SCG5: variants seen among roughly 807,000 people sequenced by gnomAD.
SCG5 encodes secretogranin V, also known as neuroendocrine protein 7B2.
In SCG5, 18 loss-of-function variants were observed where a neutral mutation model predicts 25.7. The ratio of observed to expected loss-of-function variants is 0.70; its 90% CI spans 0.48 to 1.04. The LOEUF (loss-of-function observed/expected upper bound fraction) is 1.04, where lower values mean the gene tolerates loss of function less well. Among genes scored for constraint, SCG5 ranks in the 50% least tolerant of loss-of-function variants. The probability of loss-of-function intolerance (pLI) is 0.00; values close to 1 mark genes in which losing one functional copy is unlikely to be tolerated. For missense variants in SCG5, 206 were observed against 259.8 expected, an observed-to-expected ratio of 0.79 and a Z score of 1.42; for synonymous variants, 101 against 91.7, an observed-to-expected ratio of 1.10 and a Z score of -0.58.
At chr15:32,650,594 C>T (rs867812332) in intron 2 of SCG5, among the ~76,000 whole-genome samples, 6 of 152,182 alleles carry the variant, frequency 3.9e-5, no homozygotes, top group African/African-American at 1.2e-4. Context: ...GGGACTGATT[C>T]GGAGAACCAT....
chr15:32,664,696 C>T (rs2054290588), intron 2 of SCG5, among the ~76,000 whole-genome samples: 2 of 152,188 alleles, frequency 1.3e-5, no homozygotes, highest in African/African-American at 4.8e-5. Context: ...TAAAGAGATC[C>T]CTACTCATGT....
At chr15:32,692,102 G>C in intron 5 of SCG5, 1 of 1,148,872 alleles carries the variant, frequency 8.7e-7, no homozygotes, top group African/African-American at 1.6e-5. Context: ...GGGTCTGTAG[G>C]CCAGTGGGGA....
At chr15:32,695,054 C>T (rs1464457248) in intron 5 of SCG5, among the ~76,000 whole-genome samples, 5 of 150,252 alleles carry the variant, frequency 3.3e-5, no homozygotes, top group Admixed American at 2.0e-4. Context: ...CTCGCTCTGT[C>T]GCCCAGGCTG....
intron 2 of SCG5, among the ~76,000 whole-genome samples, chr15:32,674,266 C>A (rs2054493720): frequency 6.6e-6 from 1 of 152,194 alleles, no homozygotes; most frequent in African/African-American, 2.4e-5. Context: ...ACAGCACGTT[C>A]TCTCTAAAGA....
chr15:32,695,384 T>A (rs2054939640), intron 5 of SCG5, among the ~76,000 whole-genome samples: 1 of 152,020 alleles, frequency 6.6e-6, no homozygotes, highest in African/African-American at 2.4e-5. Flanking sequence ...CTTCCAAAAC[T>A]TTTGAATTTT....
chr15:32,683,973 A>G (rs1294228538), intron 3 of SCG5, among the ~76,000 whole-genome samples: 1 of 152,206 alleles, frequency 6.6e-6, no homozygotes, highest in Non-Finnish European at 1.5e-5. Flanking sequence ...AAAACATTGT[A>G]TGGCTCAACG....
At chr15:32,681,620 T>C (rs1000543971) in intron 3 of SCG5, among the ~76,000 whole-genome samples, 1 of 152,024 alleles carries the variant, frequency 6.6e-6, no homozygotes, top group African/African-American at 2.4e-5. Context: ...CAGCTAATTT[T>C]TAAATTTTTT....
intron 2 of SCG5, among the ~76,000 whole-genome samples, chr15:32,676,910 CTTATTG>C (rs1334286375): frequency 4.6e-5 from 7 of 152,048 alleles, no homozygotes; most frequent in African/African-American, 1.7e-4. Flanking sequence ...ATGACAGTCA[CTTATTG>C]TTAGTAGTAG....
intron 2 of SCG5, among the ~76,000 whole-genome samples, chr15:32,678,828 C>T (rs116390162): frequency 0.013 from 1,914 of 152,210 alleles, 41 homozygotes; most frequent in African/African-American, 0.043. Flanking sequence ...ACTACATAGC[C>T]ATTTATAATT....
At chr15:32,648,763 G>T (rs1270912873) in intron 2 of SCG5, among the ~76,000 whole-genome samples, 1 of 130,662 alleles carries the variant, frequency 7.7e-6, no homozygotes, top group Non-Finnish European at 1.6e-5. Flanking sequence ...ATTCTCTGTT[G>T]CAGTCTCCTT....
chr15:32,642,737 G>T (rs1257717563), intron 1 of SCG5, among the ~76,000 whole-genome samples: 2 of 151,894 alleles, frequency 1.3e-5, no homozygotes, highest in Non-Finnish European at 2.9e-5. Context: ...CCCACCCCCA[G>T]GCTAGTTAAC....
intron 3 of SCG5, among the ~76,000 whole-genome samples, chr15:32,682,962 T>C (rs2054646282): frequency 1.3e-5 from 2 of 152,306 alleles, no homozygotes; most frequent in South Asian, 4.1e-4. Flanking sequence ...TATCTGCATC[T>C]CAGTCAGGGC....
intron 2 of SCG5, among the ~76,000 whole-genome samples, chr15:32,675,393 C>T (rs1043188079): frequency 6.6e-6 from 1 of 152,162 alleles, no homozygotes; most frequent in Non-Finnish European, 1.5e-5. Context: ...CTTGTCACTT[C>T]ACTCCTGAGT....
At chr15:32,692,372 A>T in intron 5 of SCG5, 2 of 668,272 alleles carry the variant, frequency 3.0e-6, no homozygotes, top group Non-Finnish European at 3.7e-6. Flanking sequence ...TGCCCAAGGT[A>T]GGAACTTGGT....
chr15:32,664,473 A>G (rs765701115), intron 2 of SCG5, among the ~76,000 whole-genome samples: 4 of 152,218 alleles, frequency 2.6e-5, no homozygotes, highest in Admixed American at 6.5e-5. Flanking sequence ...GACAGGTGAA[A>G]AATCCAAGAT....
chr15:32,692,069 A>G, intron 5 of SCG5: 2 of 1,217,064 alleles, frequency 1.6e-6, no homozygotes, highest in East Asian at 3.8e-5. Flanking sequence ...CTGGGGGGAC[A>G]TGAGGGTCTG....
At chr15:32,687,749 C>A (rs910570864) in intron 4 of SCG5, among the ~76,000 whole-genome samples, 1 of 152,234 alleles carries the variant, frequency 6.6e-6, no homozygotes, top group African/African-American at 2.4e-5. Context: ...TCACATATTA[C>A]ACATTTCAGT....
At chr15:32,677,794 G>T (rs2054554932) in intron 2 of SCG5, 1 of 152,184 alleles carries the variant, frequency 6.6e-6, no homozygotes, top group Non-Finnish European at 1.5e-5. Flanking sequence ...CCTGGAAAAG[G>T]AAGCTTCATG....
chr15:32,677,116 G>A (rs2054544430), intron 2 of SCG5, among the ~76,000 whole-genome samples: 1 of 152,048 alleles, frequency 6.6e-6, no homozygotes, highest in South Asian at 2.1e-4. Context: ...AAAAGAAATA[G>A]CATTTTTTTT....
Sources: allele counts gnomAD v4.1 joint callset (sites outside exome capture counted in the v4.1 genomes callset), GRCh38; gene constraint gnomAD v4.1.1; transcripts MANE v1.5; gene names NCBI Gene and HGNC (gene_info 2026-07-23, HGNC 2026-07-21).